Variants in CADM1 observed in about 807,000 individuals in gnomAD.
CADM1 encodes cell adhesion molecule 1.
In CADM1, 15 loss-of-function variants were observed where a neutral mutation model predicts 53.1. That is an observed-to-expected ratio of 0.28 (90% CI 0.19 to 0.44). The LOEUF is 0.44. CADM1 is among the 20% of genes least tolerant of loss of function. The pLI is 1.00. For missense variants in CADM1, 434 were observed against 611.3 expected (o/e 0.71, Z 3.06); for synonymous variants, 281 against 243.0 (o/e 1.16, Z -1.45).
chr11:115,284,114 C>CTCTGTGTGTGTGTGTG (rs1351842329), intron 1 of CADM1, among the ~76,000 whole-genome samples: 1 of 98,616 alleles, frequency 1.0e-5, no homozygotes, highest in African/African-American at 3.8e-5. Context: ...CTCTCTCTCT[C>CTCTGTGTGTGTGTGTG]TGTGTGTGTG....
chr11:115,189,378 T>G (rs551545366), intron 10 of CADM1, among the ~76,000 whole-genome samples: 2 of 152,286 alleles, frequency 1.3e-5, no homozygotes, highest in South Asian at 4.1e-4. Flanking sequence ...TGTCTGGCTA[T>G]TGTGCCAAGA....
intron 1 of CADM1, among the ~76,000 whole-genome samples, chr11:115,491,216 G>A (rs981700030): frequency 1.3e-5 from 2 of 152,006 alleles, no homozygotes; most frequent in South Asian, 2.1e-4. Flanking sequence ...TCAGAGACAC[G>A]TTATATTGTA....
rs1941723900 is a variant in CADM1, at chr11:115,229,129, C to T, written c.705G>A (p.Arg235=). The T allele has an allele frequency of 6.8e-6, 11 of 1,613,874 alleles. No homozygotes were observed. The highest frequency in any genetic ancestry group is 9.3e-6 in the Non-Finnish European group (11 of 1,180,000). The stretch of plus-strand genomic sequence containing the variant: ...GGTACTCACACTGTACTTCTAGATA[C>T]CGCTGGGTCTGCAGGTTTCCAGTGA... The part of the protein sequence containing the change: ...PAVTGNLQTQ[R]YLEVQYKPQV... Residue 235 remains arginine, a synonymous_variant, in exon 5 of 12, where the codon CGG becomes CGA. Transcript: ENST00000331581.
In CADM1 at chr11:115,504,365, G is replaced by A. The variant is rs1406565396; in HGVS notation, c.30C>T (p.Ser10=). The change falls in exon 1 of 12, where the codon TCC becomes TCT. Residue 10 remains serine (S), a synonymous_variant. Coordinates refer to ENST00000331581, the MANE Select transcript of CADM1 (RefSeq NM_001301043.2). ...CCGCCGCCGCTGCCGCCGCACACTG[G>A]GATCCGCTCGGCAGCACTACACTCG... The part of the protein sequence containing the change: MASVVLPSG[S]QCAAAAAAAA... The A allele has an allele frequency of 2.6e-6, 4 of 1,548,108 alleles. No homozygotes were observed. Among genetic ancestry groups the A allele is most frequent in the Middle Eastern group, 1.9e-4 (1 of 5,402 alleles).
intron 10 of CADM1, among the ~76,000 whole-genome samples, chr11:115,183,669 G>C (rs1170575980): frequency 6.6e-6 from 1 of 152,210 alleles, no homozygotes; most frequent in East Asian, 1.9e-4. Context: ...GCAGCATGAG[G>C]CATGACAGCC....
intron 1 of CADM1, among the ~76,000 whole-genome samples, chr11:115,261,351 A>C (rs1477562012): frequency 6.6e-6 from 1 of 152,172 alleles, no homozygotes; most frequent in Non-Finnish European, 1.5e-5. Context: ...CCTCTGTACC[A>C]CTACTTCTTA....
At chr11:115,366,280 G>C (rs1946155220) in intron 1 of CADM1, among the ~76,000 whole-genome samples, 1 of 152,176 alleles carries the variant, frequency 6.6e-6, no homozygotes, top group Admixed American at 6.5e-5. Context: ...GTGCCTCCTT[G>C]ATAGGAAAAG....
chr11:115,374,293 T>A (rs2135134270), intron 1 of CADM1, among the ~76,000 whole-genome samples: 1 of 152,272 alleles, frequency 6.6e-6, no homozygotes, highest in Middle Eastern at 3.4e-3. Flanking sequence ...AATAATTGAA[T>A]GGATTGAAGC....
chr11:115,499,035 G>GA (rs1252303049), intron 1 of CADM1, among the ~76,000 whole-genome samples: 2 of 150,584 alleles, frequency 1.3e-5, no homozygotes, highest in Non-Finnish European at 3.0e-5. Context: ...AATAAAATGG[G>GA]AAAAAAGAAA....
chr11:115,430,824 T>C (rs1948029233), intron 1 of CADM1, among the ~76,000 whole-genome samples: 1 of 152,214 alleles, frequency 6.6e-6, no homozygotes, highest in Admixed American at 6.5e-5. Flanking sequence ...TACTCTGACT[T>C]AGTTTATAAG....
At chr11:115,379,957 T>C (rs1430152760) in intron 1 of CADM1, among the ~76,000 whole-genome samples, 2 of 152,134 alleles carry the variant, frequency 1.3e-5, no homozygotes, top group African/African-American at 4.8e-5. Context: ...GTATAGACTA[T>C]ATAATAAAAA....
At chr11:115,470,711 G>A (rs1948993016) in intron 1 of CADM1, among the ~76,000 whole-genome samples, 1 of 152,104 alleles carries the variant, frequency 6.6e-6, no homozygotes, top group African/African-American at 2.4e-5. Flanking sequence ...TTTTCTTTAA[G>A]TGTGCTGTCC....
intron 1 of CADM1, among the ~76,000 whole-genome samples, chr11:115,462,024 G>A (rs1000084280): frequency 1.3e-5 from 2 of 152,134 alleles, no homozygotes; most frequent in African/African-American, 4.8e-5. Flanking sequence ...ACATTTAGCC[G>A]GTAGAGGGAG....
At chr11:115,415,551 T>C (rs1436453746) in intron 1 of CADM1, among the ~76,000 whole-genome samples, 4 of 152,154 alleles carry the variant, frequency 2.6e-5, no homozygotes, top group Admixed American at 1.3e-4. Context: ...AAAAGACTGA[T>C]TCTGGACAGG....
At chr11:115,307,387 A>G (rs955129409) in intron 1 of CADM1, among the ~76,000 whole-genome samples, 3 of 151,908 alleles carry the variant, frequency 2.0e-5, no homozygotes, top group Non-Finnish European at 4.4e-5. Context: ...ATCCTCTCTC[A>G]GCAAGAACAC....
At position 115,225,283 on chromosome 11, in the gene CADM1, T is replaced by C. The variant is rs144071219; in HGVS notation, c.721+3830A>G. 4.0e-3 allele frequency among the ~76,000 whole-genome samples: 598 copies of C among 149,934 alleles called. 1 individual carries two copies. Among genetic ancestry groups the C allele is most frequent in the African/African-American group, 0.014 (574 of 41,362 alleles). ...ATCAAATAACTGAACACTTGGCTGA[T>C]TGTGGTGCCTTTCATATTTATAATA... On this transcript the variant is annotated intron_variant, in intron 5 of 11. Coordinates refer to ENST00000331581, the MANE Select transcript of CADM1 (RefSeq NM_001301043.2).
intron 5 of CADM1, among the ~76,000 whole-genome samples, chr11:115,219,413 G>A (rs1455138933): frequency 1.3e-5 from 2 of 152,128 alleles, no homozygotes; most frequent in Non-Finnish European, 2.9e-5. Context: ...AACCTTTTAA[G>A]AGAGCCCCCT....
chr11:115,445,199 G>A (rs1249048155), intron 1 of CADM1, among the ~76,000 whole-genome samples: 1 of 151,974 alleles, frequency 6.6e-6, no homozygotes, highest in Non-Finnish European at 1.5e-5. Context: ...GGTTTGACTG[G>A]GTTTTCATCA....
At chr11:115,245,686 A>C (rs1942385889) in intron 1 of CADM1, among the ~76,000 whole-genome samples, 2 of 152,244 alleles carry the variant, frequency 1.3e-5, no homozygotes, top group African/African-American at 4.8e-5. Context: ...AAGAATGAAA[A>C]AAATTAAGAT....
Sources: allele counts gnomAD v4.1 joint callset (sites outside exome capture counted in the v4.1 genomes callset), GRCh38; gene constraint gnomAD v4.1.1; transcripts MANE v1.5; gene names NCBI Gene and HGNC (gene_info 2026-07-23, HGNC 2026-07-21).